Variants in NKAIN2 observed in about 807,000 individuals in gnomAD.
NKAIN2 encodes sodium/potassium-transporting ATPase subunit beta-1-interacting protein 2.
Under a neutral mutation model 32.6 loss-of-function variants are expected in NKAIN2, and 14 were observed. That is an observed-to-expected ratio of 0.43 (90% CI 0.28 to 0.67). The LOEUF (loss-of-function observed/expected upper bound fraction) is 0.67. Among genes scored for constraint, NKAIN2 ranks in the 30% least tolerant of loss-of-function variants. The pLI, the probability that NKAIN2 is intolerant of heterozygous loss-of-function variation, is 0.17. For missense variants in NKAIN2, 198 were observed against 258.3 expected, an observed-to-expected ratio of 0.77 and a Z score of 1.60; for synonymous variants, 80 against 87.2, an observed-to-expected ratio of 0.92 and a Z score of 0.46.
intron 2 of NKAIN2, among the ~76,000 whole-genome samples, chr6:124,343,915 G>A (rs557032074): frequency 1.4e-3 from 196 of 142,796 alleles, no homozygotes; most frequent in African/African-American, 4.2e-3. Flanking sequence ...ACATGCCTAT[G>A]TCCTGAATGG....
intron 4 of NKAIN2, among the ~76,000 whole-genome samples, chr6:124,689,025 G>A (rs1195396017): frequency 6.6e-6 from 1 of 152,116 alleles, no homozygotes; most frequent in East Asian, 1.9e-4. Flanking sequence ...TTTGGTAAGA[G>A]TGTATTTAGT....
chr6:124,399,561 G>A (rs1157061792), intron 3 of NKAIN2, among the ~76,000 whole-genome samples: 2 of 152,160 alleles, frequency 1.3e-5, no homozygotes, highest in South Asian at 4.1e-4. Context: ...AGGTGTTCAG[G>A]GGGTAGCATA....
At chr6:124,123,936 C>T (rs945514202) in intron 1 of NKAIN2, among the ~76,000 whole-genome samples, 1 of 151,962 alleles carries the variant, frequency 6.6e-6, no homozygotes, top group Non-Finnish European at 1.5e-5. Flanking sequence ...TTGGATTGTC[C>T]AGTTGTTATC....
intron 4 of NKAIN2, among the ~76,000 whole-genome samples, chr6:124,717,358 T>C (rs1396419609): frequency 6.6e-6 from 1 of 152,120 alleles, no homozygotes; most frequent in Admixed American, 6.5e-5. Context: ...ATCAAATAAA[T>C]TGCACAACAA....
intron 1 of NKAIN2, among the ~76,000 whole-genome samples, chr6:123,904,177 G>A (rs1333584069): frequency 6.6e-6 from 1 of 151,748 alleles, no homozygotes; most frequent in Non-Finnish European, 1.5e-5. Context: ...GTTGTGGTGA[G>A]CCAAGATCGC....
At chr6:124,769,490 C>G (rs1471902214) in intron 4 of NKAIN2, among the ~76,000 whole-genome samples, 1 of 152,004 alleles carries the variant, frequency 6.6e-6, no homozygotes, top group Non-Finnish European at 1.5e-5. Flanking sequence ...TTTTGCATGC[C>G]TATTTACTGG....
At chr6:124,256,497 A>T (rs2114826082) in intron 1 of NKAIN2, among the ~76,000 whole-genome samples, 1 of 152,312 alleles carries the variant, frequency 6.6e-6, no homozygotes, top group East Asian at 1.9e-4. Flanking sequence ...CAATGCCATT[A>T]CCAGAAATAA....
chr6:124,308,534 TTGC>T (rs2114994463), intron 2 of NKAIN2, among the ~76,000 whole-genome samples: 1 of 152,272 alleles, frequency 6.6e-6, no homozygotes, highest in African/African-American at 2.4e-5. Context: ...TTTATCTGAG[TTGC>T]TTTTGTTTTG....
At chr6:124,132,094 G>A (rs149201057) in intron 1 of NKAIN2, among the ~76,000 whole-genome samples, 17 of 152,272 alleles carry the variant, frequency 1.1e-4, no homozygotes, top group Non-Finnish European at 2.5e-4. Flanking sequence ...GAGCAAGATT[G>A]ACCTTGCCAA....
intron 1 of NKAIN2, among the ~76,000 whole-genome samples, chr6:123,991,315 A>T (rs1779399670): frequency 1.3e-5 from 2 of 152,140 alleles, no homozygotes; most frequent in South Asian, 4.1e-4. Flanking sequence ...GGTTCTGCTG[A>T]TGAAAGTTGA....
intron 1 of NKAIN2, among the ~76,000 whole-genome samples, chr6:124,050,912 T>A (rs2114833052): frequency 6.6e-6 from 1 of 152,200 alleles, no homozygotes; most frequent in East Asian, 1.9e-4. Context: ...ATGATTAAGA[T>A]CTTCAAATGC....
At chr6:124,018,200 T>C (rs7754618) in intron 1 of NKAIN2, among the ~76,000 whole-genome samples, 108,144 of 152,078 alleles carry the variant, frequency 0.71, 38,803 homozygotes, top group East Asian at 0.93. Context: ...TTAGCCATGG[T>C]TGGAGCAGCT....
intron 3 of NKAIN2, among the ~76,000 whole-genome samples, chr6:124,393,813 G>A (rs754907876): frequency 5.3e-5 from 8 of 152,040 alleles, no homozygotes; most frequent in Non-Finnish European, 8.8e-5. Flanking sequence ...ATGTGCATGC[G>A]CATTATATGC....
At chr6:124,409,909 AG>A (rs1459193981) in intron 3 of NKAIN2, among the ~76,000 whole-genome samples, 1 of 151,850 alleles carries the variant, frequency 6.6e-6, no homozygotes, top group Non-Finnish European at 1.5e-5. Flanking sequence ...ACTGCTTCCT[AG>A]TTTAGTCTTG....
At chr6:124,723,992 A>G (rs970628034) in intron 4 of NKAIN2, among the ~76,000 whole-genome samples, 1 of 152,234 alleles carries the variant, frequency 6.6e-6, no homozygotes, top group Non-Finnish European at 1.5e-5. Flanking sequence ...TCACTGCAGC[A>G]TATGAACTAA....
At chr6:124,246,691 C>T (rs1793421037) in intron 1 of NKAIN2, among the ~76,000 whole-genome samples, 1 of 151,940 alleles carries the variant, frequency 6.6e-6, no homozygotes, top group Non-Finnish European at 1.5e-5. Flanking sequence ...GGGAGATGGA[C>T]TTTTGAAAAG....
At chr6:124,498,365 A>G (rs1396931186) in intron 3 of NKAIN2, among the ~76,000 whole-genome samples, 1 of 152,204 alleles carries the variant, frequency 6.6e-6, no homozygotes, top group African/African-American at 2.4e-5. Context: ...AGGAAAGGAC[A>G]GGGTGGATGT....
rs547771952 is a variant in NKAIN2 at position 124,779,044 on chromosome 6, T to C, written c.475-12295T>C. Among the ~76,000 whole-genome samples the C allele has an allele frequency of 4.6e-5, 7 of 152,140 alleles. No individual in the cohort carries two copies. In the South Asian group the frequency reaches 1.0e-3, roughly 23 times the overall value. On this transcript the variant is annotated intron_variant, in intron 4 of 6. Transcript: ENST00000368417. ...TATTGTCAGGAGCGCAAGACCAGCC[T>C]GGCCAACATGGCAAAACTTCCTCTC...
At chr6:123,907,908 G>A (rs1472979364) in intron 1 of NKAIN2, among the ~76,000 whole-genome samples, 1 of 152,136 alleles carries the variant, frequency 6.6e-6, no homozygotes, top group Non-Finnish European at 1.5e-5. Flanking sequence ...ACACTTTGTT[G>A]ATTTGCATGA....
Sources: allele counts gnomAD v4.1 joint callset (sites outside exome capture counted in the v4.1 genomes callset), GRCh38; gene constraint gnomAD v4.1.1; transcripts MANE v1.5; gene names NCBI Gene and HGNC (gene_info 2026-07-23, HGNC 2026-07-21).